Variants in WDPCP observed in about 807,000 individuals in gnomAD.
WDPCP encodes WD repeat-containing and planar cell polarity effector protein fritz homolog.
WDPCP carries 71 observed loss-of-function variants against 93.1 expected under a neutral mutation model. The ratio of observed to expected loss-of-function variants is 0.76; its 90% CI spans 0.63 to 0.93. The LOEUF is 0.93. Ranked by LOEUF, WDPCP falls within the 40% of genes least tolerant of loss-of-function variation. The pLI is 0.00. For synonymous variants in WDPCP, 315 were observed against 315.0 expected (o/e 1.00, Z 0.00); for missense variants, 844 against 887.4 (o/e 0.95, Z 0.62).
intron 14 of WDPCP, among the ~76,000 whole-genome samples, chr2:63,227,043 C>T (rs1678350932): frequency 6.6e-6 from 1 of 151,812 alleles, no homozygotes; most frequent in Non-Finnish European, 1.5e-5. Context: ...TAAAGTGAGG[C>T]TCTCAGAAGG....
chr2:63,499,752 G>C (rs1041847559), intron 1 of WDPCP, among the ~76,000 whole-genome samples: 1 of 152,180 alleles, frequency 6.6e-6, no homozygotes, highest in East Asian at 1.9e-4. Context: ...ATCAATGGAT[G>C]GGGATCTGGT....
At chr2:63,174,949 AT>A in intron 14 of WDPCP, 117 bp from the exon 15 acceptor site, 1 of 1,153,370 alleles carries the variant, frequency 8.7e-7, no homozygotes, top group Non-Finnish European at 1.3e-6. Context: ...TTCTTTGTCA[AT>A]TTCAAAATCT....
intron 9 of WDPCP, among the ~76,000 whole-genome samples, chr2:63,417,722 T>A (rs528795817): frequency 2.0e-5 from 3 of 148,542 alleles, no homozygotes; most frequent in African/African-American, 7.3e-5. Flanking sequence ...TGAAATGACA[T>A]CAAATTATAT....
chr2:63,522,633 A>C (rs540976925), intron 1 of WDPCP, among the ~76,000 whole-genome samples: 75 of 152,302 alleles, frequency 4.9e-4, no homozygotes, highest in Non-Finnish European at 9.1e-4. Flanking sequence ...AAAGGATGTC[A>C]CCACTTGCCC....
intron 14 of WDPCP, among the ~76,000 whole-genome samples, chr2:63,244,579 G>A (rs565098806): frequency 3.1e-4 from 47 of 152,100 alleles, no homozygotes; most frequent in Non-Finnish European, 5.9e-4. Context: ...TACAGATTAC[G>A]ATGAACACCT....
At chr2:63,209,680 T>C (rs1215859127) in intron 14 of WDPCP, among the ~76,000 whole-genome samples, 1 of 152,222 alleles carries the variant, frequency 6.6e-6, no homozygotes, top group African/African-American at 2.4e-5. Context: ...TTCCAGGGGA[T>C]TAAAATACTT....
chr2:63,484,210 T>A (rs1464629658), intron 6 of WDPCP, among the ~76,000 whole-genome samples: 2 of 152,014 alleles, frequency 1.3e-5, no homozygotes, highest in South Asian at 2.1e-4. Context: ...TTGATTTGCA[T>A]AAGCAATGAT....
At chr2:63,247,096 G>A (rs772638627) in intron 14 of WDPCP, among the ~76,000 whole-genome samples, 22 of 152,124 alleles carry the variant, frequency 1.4e-4, no homozygotes, top group South Asian at 6.2e-4. Context: ...AACTCTAAAG[G>A]AAACACTTCA....
At chr2:63,750,246 T>C (rs763977110) in intron 2 of WDPCP, among the ~76,000 whole-genome samples, 2 of 152,040 alleles carry the variant, frequency 1.3e-5, no homozygotes, top group Admixed American at 6.6e-5. Context: ...CTAAAATAAA[T>C]TTCTCTTGCC....
chr2:63,362,793 T>A (rs1690588711), intron 12 of WDPCP, among the ~76,000 whole-genome samples: 2 of 152,106 alleles, frequency 1.3e-5, no homozygotes, highest in African/African-American at 4.8e-5. Context: ...GCCCCCTAAG[T>A]AGCTGGAACT....
intron 14 of WDPCP, among the ~76,000 whole-genome samples, chr2:63,247,116 C>G (rs1023670164): frequency 6.6e-6 from 1 of 152,160 alleles, no homozygotes; most frequent in Non-Finnish European, 1.5e-5. Context: ...AAAATGCCAT[C>G]GAACAGGATT....
At chr2:63,474,463 G>C (rs1057315896) in intron 6 of WDPCP, among the ~76,000 whole-genome samples, 2 of 151,974 alleles carry the variant, frequency 1.3e-5, no homozygotes, top group African/African-American at 4.8e-5. Context: ...CCTCCAATTG[G>C]CAATTGTACA....
intron 13 of WDPCP, among the ~76,000 whole-genome samples, chr2:63,306,810 C>T (rs1685779377): frequency 6.6e-6 from 1 of 152,186 alleles, no homozygotes; most frequent in African/African-American, 2.4e-5. Context: ...AAGATAGAAG[C>T]ATTCCCTTTG....
At chr2:63,216,693 AACTT>A (rs764402175) in intron 14 of WDPCP, among the ~76,000 whole-genome samples, 19 of 152,080 alleles carry the variant, frequency 1.2e-4, no homozygotes, top group Admixed American at 2.0e-4. Context: ...TGTACCCTAG[AACTT>A]ACTTAAAGTT....
chr2:63,611,081 G>A (rs898269339), intron 3 of WDPCP, among the ~76,000 whole-genome samples: 1 of 152,146 alleles, frequency 6.6e-6, no homozygotes, highest in Non-Finnish European at 1.5e-5. Context: ...TTAGGTGACA[G>A]TGCAAGACCC....
chr2:63,384,250 T>C (rs917073727), intron 10 of WDPCP, among the ~76,000 whole-genome samples: 3 of 152,040 alleles, frequency 2.0e-5, no homozygotes, highest in Non-Finnish European at 4.4e-5. Flanking sequence ...ATCAGTAAAA[T>C]TGACAAACTT....
chr2:63,782,427 C>G (rs1670408732), intron 2 of WDPCP, among the ~76,000 whole-genome samples: 1 of 152,096 alleles, frequency 6.6e-6, no homozygotes, highest in African/African-American at 2.4e-5. Context: ...CAACAAGGTA[C>G]TAATATCAGA....
In WDPCP at chr2:63,789,623, G is replaced by A. The variant is rs929952381; in HGVS notation, n.308+23999C>T. Among the ~76,000 whole-genome samples, 10 of 152,190 alleles carry A rather than the reference G, an allele frequency of 6.6e-5. 1 individual carries two copies. Among genetic ancestry groups the A allele is most frequent in the Admixed American group, 3.3e-4 (5 of 15,266 alleles). ...CCGAGATAGCAAAGGCAGAGAAAAT[G>A]AGGCCGAAGACTGTCACGTTGTTTT... is the stretch of plus-strand genomic sequence containing the variant. On this transcript the variant is annotated intron_variant and non_coding_transcript_variant, in intron 2 of 4. Coordinates refer to the WDPCP transcript ENST00000467687.
At chr2:63,649,908 C>T (rs262482) in intron 3 of WDPCP, among the ~76,000 whole-genome samples, 120,512 of 152,126 alleles carry the variant, frequency 0.79, 48,211 homozygotes, top group East Asian at 0.98. Context: ...GATAAAGCAA[C>T]AGATACAGTA....
Sources: allele counts gnomAD v4.1 joint callset (sites outside exome capture counted in the v4.1 genomes callset), GRCh38; gene constraint gnomAD v4.1.1; transcripts MANE v1.5; gene names NCBI Gene and HGNC (gene_info 2026-07-23, HGNC 2026-07-21).